DCDC2C: variants seen among roughly 807,000 people sequenced by gnomAD.
DCDC2C encodes doublecortin domain-containing protein 2C.
In DCDC2C, 44 loss-of-function variants were observed where a neutral mutation model predicts 45.0. The observed-to-expected ratio is 0.98, with a 90% CI of 0.77 to 1.26. The LOEUF (loss-of-function observed/expected upper bound fraction) is 1.26, where lower values mean the gene tolerates loss of function less well. Ranked by LOEUF, DCDC2C falls within the 50% of genes most tolerant of loss-of-function variation. DCDC2C has a pLI of 0.00. For missense variants in DCDC2C, 447 were observed against 468.9 expected (o/e 0.95, Z 0.43); for synonymous variants, 187 against 178.8 (o/e 1.05, Z -0.37).
In DCDC2C at chr2:3,731,329, C is replaced by T. The variant is rs764368068; in HGVS notation, c.416+4250C>T. Among the ~76,000 whole-genome samples, 42 of 152,182 alleles carry T rather than the reference C, an allele frequency of 2.8e-4. 1 individual carries two copies. Among genetic ancestry groups the T allele is most frequent in the Admixed American group, 2.2e-3 (33 of 15,270 alleles). On this transcript the variant is annotated intron_variant, in intron 3 of 10. Transcript: ENST00000399143. ...GGGCAGCACTCACGTTTCTGAGTCT[C>T]CTTTGCGAAGTTTGTCACATTTAGC...
At position 3,831,578 on chromosome 2, in the gene DCDC2C, C is replaced by T. The variant is rs1043137954; in HGVS notation, c.1066-15576C>T. On this transcript the variant is annotated intron_variant, in intron 10 of 10. Coordinates refer to ENST00000399143, the MANE Select transcript of DCDC2C (RefSeq NM_001287444.2). ...ACATGTGGCCTTTTGTTGATGGAAACATCATTATGCTGCATATGACAGTGT... is the reference window on the plus strand; with the variant it reads ...ACATGTGGCCTTTTGTTGATGGAAATATCATTATGCTGCATATGACAGTGT... Among the ~76,000 whole-genome samples, 4 of 152,162 alleles carry T rather than the reference C, an allele frequency of 2.6e-5. No homozygotes were observed. The South Asian group carries it at 8.3e-4, about 32-fold the overall frequency.
At chr2:3,806,388 C>A (rs1216918132) in intron 10 of DCDC2C, among the ~76,000 whole-genome samples, 3 of 152,240 alleles carry the variant, frequency 2.0e-5, no homozygotes, top group Non-Finnish European at 4.4e-5. Context: ...TTCTGTTCTG[C>A]AGCAGAGAGG....
intron 2 of DCDC2C, among the ~76,000 whole-genome samples, chr2:3,720,151 G>A (rs1668458145): frequency 6.6e-6 from 1 of 152,248 alleles, no homozygotes; most frequent in Admixed American, 6.5e-5. Flanking sequence ...TGGCAAAGGT[G>A]TGTGTCTTTC....
chr2:3,821,377 T>C (rs1671683724), intron 10 of DCDC2C, among the ~76,000 whole-genome samples: 1 of 152,206 alleles, frequency 6.6e-6, no homozygotes, highest in Admixed American at 6.5e-5. Flanking sequence ...TGTTTTTTTT[T>C]CCTATGTGGA....
chr2:3,805,385 C>T (rs1366547672), intron 10 of DCDC2C, among the ~76,000 whole-genome samples: 2 of 152,170 alleles, frequency 1.3e-5, no homozygotes, highest in African/African-American at 2.4e-5. Context: ...TAGGAGGAAA[C>T]ACCCAGCAAC....
At chr2:3,829,064 T>C (rs1003760941) in intron 10 of DCDC2C, among the ~76,000 whole-genome samples, 4 of 152,208 alleles carry the variant, frequency 2.6e-5, no homozygotes, top group Non-Finnish European at 4.4e-5. Context: ...TGCTTCGAAG[T>C]GTTCACACTT....
chr2:3,716,138 G>C (rs1014392272), intron 2 of DCDC2C, among the ~76,000 whole-genome samples: 6 of 152,182 alleles, frequency 3.9e-5, no homozygotes, highest in African/African-American at 1.4e-4. Context: ...AATGATCCAG[G>C]CAAGGGACAG....
intron 6 of DCDC2C, among the ~76,000 whole-genome samples, chr2:3,764,215 C>A (rs1669958804): frequency 6.6e-6 from 1 of 152,246 alleles, no homozygotes; most frequent in African/African-American, 2.4e-5. Context: ...TTAAACTGAG[C>A]AAAATTAAGA....
intron 3 of DCDC2C, among the ~76,000 whole-genome samples, chr2:3,729,424 T>G (rs546797662): frequency 2.5e-4 from 38 of 152,318 alleles, no homozygotes; most frequent in African/African-American, 9.1e-4. Flanking sequence ...TAGTAACTAC[T>G]GAGAGTTGGG....
intron 10 of DCDC2C, among the ~76,000 whole-genome samples, chr2:3,810,884 G>C (rs1012661509): frequency 6.6e-6 from 1 of 152,102 alleles, no homozygotes; most frequent in South Asian, 2.1e-4. Context: ...AAGATCAGAT[G>C]GTTGTAGACA....
At chr2:3,796,956 C>T (rs1432124009) in intron 10 of DCDC2C, among the ~76,000 whole-genome samples, 2 of 152,200 alleles carry the variant, frequency 1.3e-5, no homozygotes, top group Non-Finnish European at 2.9e-5. Context: ...ACCAGTTCCT[C>T]CTTGTACCTC....
At chr2:3,793,967 T>C (rs773212771) in intron 10 of DCDC2C, among the ~76,000 whole-genome samples, 4 of 152,252 alleles carry the variant, frequency 2.6e-5, no homozygotes, top group African/African-American at 7.2e-5. Flanking sequence ...ATAGACTTTG[T>C]TGATAATTGT....
At chr2:3,783,707 G>A (rs929331249) in intron 9 of DCDC2C, among the ~76,000 whole-genome samples, 7 of 152,236 alleles carry the variant, frequency 4.6e-5, no homozygotes, top group African/African-American at 1.7e-4. Flanking sequence ...GTAGCGTGGG[G>A]CATCGCAAGG....
intron 2 of DCDC2C, among the ~76,000 whole-genome samples, chr2:3,711,645 A>G (rs1002178515): frequency 1.4e-4 from 22 of 152,176 alleles, no homozygotes; most frequent in African/African-American, 5.3e-4. Context: ...CTATTCCACC[A>G]TGTGAGTTTA....
intron 4 of DCDC2C, among the ~76,000 whole-genome samples, chr2:3,742,619 A>G (rs1669250277): frequency 6.6e-6 from 1 of 152,186 alleles, no homozygotes; most frequent in Non-Finnish European, 1.5e-5. Flanking sequence ...TGTCATCTGG[A>G]AAACTGGAAA....
intron 10 of DCDC2C, chr2:3,788,454 A>G (rs550729965): frequency 1.3e-5 from 2 of 152,318 alleles, no homozygotes; most frequent in South Asian, 4.1e-4. Context: ...AAGCAGCACG[A>G]CAGGATGCCG....
rs7593950 is a variant in DCDC2C at position 3,796,306 on chromosome 2, G to A, written c.1065+11206G>A. ...GGTTTTCTAGATATACAATCATGTC[G>A]TCTGCAAACAGGGACAACTTAAATT... is the stretch of plus-strand genomic sequence containing the variant. On this transcript the variant is annotated intron_variant, in intron 10 of 10. Transcript: ENST00000399143. Among the ~76,000 whole-genome samples the A allele has an allele frequency of 1.5e-4, 16 of 105,152 alleles. 1 individual carries two copies. The highest frequency in any genetic ancestry group is 5.5e-4 in the African/African-American group (13 of 23,732). 69.0% of individuals were successfully genotyped at this position (105,152 alleles called of 152,430 possible).
chr2:3,772,857 C>T (rs1306958686), intron 8 of DCDC2C, among the ~76,000 whole-genome samples: 3 of 152,226 alleles, frequency 2.0e-5, no homozygotes, highest in Non-Finnish European at 4.4e-5. Context: ...GAAGTTCACA[C>T]TGGCGTTTCA....
intron 4 of DCDC2C, among the ~76,000 whole-genome samples, chr2:3,747,633 G>A (rs1669411766): frequency 6.6e-6 from 1 of 152,270 alleles, no homozygotes; most frequent in Admixed American, 6.5e-5. Flanking sequence ...CACGTTGGGT[G>A]TGGCCTGACC....
Sources: allele counts gnomAD v4.1 joint callset (sites outside exome capture counted in the v4.1 genomes callset), GRCh38; gene constraint gnomAD v4.1.1; transcripts MANE v1.5; gene names NCBI Gene and HGNC (gene_info 2026-07-23, HGNC 2026-07-21).